Variants in ITPR1 observed in about 807,000 individuals in gnomAD.
The protein encoded by ITPR1 is inositol 1,4,5-trisphosphate-gated calcium channel ITPR1.
ITPR1 carries 96 observed loss-of-function variants against 318.4 expected under a neutral mutation model. The observed-to-expected ratio is 0.30, with a 90% CI of 0.26 to 0.36. The LOEUF (loss-of-function observed/expected upper bound fraction) is 0.36, where lower values mean the gene tolerates loss of function less well. Ranked by LOEUF, ITPR1 falls within the 10% of genes least tolerant of loss-of-function variation. The pLI is 1.00. For missense variants in ITPR1, 2,440 were observed against 3,460.2 expected, an observed-to-expected ratio of 0.71 and a Z score of 7.40; for synonymous variants, 1,312 against 1,289.9, an observed-to-expected ratio of 1.02 and a Z score of -0.37.
intron 57 of ITPR1, among the ~76,000 whole-genome samples, chr3:4,814,015 A>T (rs1042244739): frequency 1.3e-5 from 2 of 152,248 alleles, no homozygotes; most frequent in Non-Finnish European, 1.5e-5. Context: ...CCCTGGATAT[A>T]GTCCTCACAC....
chr3:4,705,202 G>A (rs9880424), intron 36 of ITPR1, among the ~76,000 whole-genome samples: 43,307 of 152,062 alleles, frequency 0.28, 7,033 homozygotes, highest in Non-Finnish European at 0.38. Flanking sequence ...ATGGAAAAGA[G>A]TGATTATTAG....
chr3:4,604,627 G>T (rs927444818), intron 4 of ITPR1, among the ~76,000 whole-genome samples: 1 of 152,078 alleles, frequency 6.6e-6, no homozygotes, highest in Non-Finnish European at 1.5e-5. Flanking sequence ...TCATGGACAC[G>T]CATGGGCCGT....
chr3:4,618,917 C>T (rs1291152452), intron 4 of ITPR1, among the ~76,000 whole-genome samples: 1 of 152,208 alleles, frequency 6.6e-6, no homozygotes, highest in Non-Finnish European at 1.5e-5. Flanking sequence ...TGATAAACAA[C>T]CACACAACTA....
chr3:4,844,271 G>A (rs769396592), intron 61 of ITPR1, among the ~76,000 whole-genome samples: 18 of 151,914 alleles, frequency 1.2e-4, no homozygotes, highest in South Asian at 4.2e-4. Flanking sequence ...ACAGGTGCAC[G>A]CTACCATGCC....
At chr3:4,780,281 A>G (rs557439124) in intron 49 of ITPR1, among the ~76,000 whole-genome samples, 116 of 152,284 alleles carry the variant, frequency 7.6e-4, no homozygotes, top group African/African-American at 2.7e-3. Flanking sequence ...TATTTGAGCC[A>G]TATCTTTGTC....
rs1288286854 is a variant in ITPR1 at position 4,588,557 on chromosome 3, C to T, written c.164-39206C>T. On this transcript the variant is annotated intron_variant, in intron 4 of 61. Coordinates refer to ENST00000649015, the MANE Select transcript of ITPR1 (RefSeq NM_001378452.1). ...TAAATGCTGGGCTGGTCCCGGGCTT[C>T]GGCCTTGGCTCTCATCTCTATCTGT... is the stretch of plus-strand genomic sequence containing the variant. Among the ~76,000 whole-genome samples the T allele has an allele frequency of 3.9e-5, 6 of 152,264 alleles. No individual in the cohort carries two copies. The South Asian group carries it at 1.2e-3, about 32-fold the overall frequency.
chr3:4,787,728 A>G lies in ITPR1; in HGVS notation c.6616-219A>G, dbSNP rs4685820. Among the ~76,000 whole-genome samples the G allele has an allele frequency of 0.52, 79,043 of 151,806 alleles. 21,226 individuals carry two copies. The highest frequency in any genetic ancestry group is 0.89 in the East Asian group (4,628 of 5,184). ...TCAAAAAAATAAAAATTAAAAATAA[A>G]TAAATAAAGTTAATGGATCTGAAGT... is the stretch of plus-strand genomic sequence containing the variant. On this transcript the variant is annotated intron_variant, in intron 51 of 61. Coordinates refer to ENST00000649015, the MANE Select transcript of ITPR1 (RefSeq NM_001378452.1).
intron 4 of ITPR1, among the ~76,000 whole-genome samples, chr3:4,523,327 C>T (rs1048029173): frequency 3.3e-5 from 5 of 151,860 alleles, no homozygotes; most frequent in South Asian, 2.1e-4. Context: ...TTTTTTAAAT[C>T]GACATATATT....
At chr3:4,771,714 G>A (rs1000639004) in intron 46 of ITPR1, among the ~76,000 whole-genome samples, 1 of 151,836 alleles carries the variant, frequency 6.6e-6, no homozygotes, top group Non-Finnish European at 1.5e-5. Flanking sequence ...GGGGTGTTGG[G>A]GTGTATAGTA....
intron 61 of ITPR1, among the ~76,000 whole-genome samples, chr3:4,844,418 C>T (rs2051603696): frequency 6.6e-6 from 1 of 152,168 alleles, no homozygotes; most frequent in Admixed American, 6.5e-5. Flanking sequence ...GCCCGCTGCA[C>T]CTGGCTGAGC....
chr3:4,698,865 A>T (rs779789914), intron 34 of ITPR1, among the ~76,000 whole-genome samples: 16 of 152,274 alleles, frequency 1.1e-4, no homozygotes, highest in East Asian at 9.6e-4. Flanking sequence ...TTGATTTTTT[A>T]AAAAATGTGC....
intron 44 of ITPR1, among the ~76,000 whole-genome samples, chr3:4,761,404 C>G (rs948526124): frequency 6.6e-6 from 1 of 152,154 alleles, no homozygotes; most frequent in African/African-American, 2.4e-5. Context: ...GGAAAATGAC[C>G]CCCAGCTGCA....
intron 53 of ITPR1, 127 bp from the exon 54 acceptor site, chr3:4,800,298 A>T: frequency 1.2e-6 from 1 of 822,158 alleles, no homozygotes; most frequent in Non-Finnish European, 1.9e-6. Context: ...AGAGAATTTG[A>T]GGTGAGAGTT....
Position 4,777,464 on chromosome 3 carries a change from G to C in ITPR1, c.6291+90G>C, listed in dbSNP as rs548153775. On this transcript the variant is annotated intron_variant, in intron 48 of 61. Coordinates refer to ENST00000649015, the MANE Select transcript of ITPR1 (RefSeq NM_001378452.1). Reference sequence around the variant, plus strand: ...CACATGCACATGGGCAATTAGTCATGAGAGTAAATATTAAAGATAGTTCTT... The same window carrying C: ...CACATGCACATGGGCAATTAGTCATCAGAGTAAATATTAAAGATAGTTCTT... The C allele has an allele frequency of 2.0e-4, 147 of 748,492 alleles. 2 individuals carry two copies. The South Asian group carries it at 2.2e-3, about 11-fold the overall frequency. 46.4% of individuals were successfully genotyped at this position (748,492 alleles called of 1,614,324 possible). A position where few individuals can be genotyped will look rare whatever the true frequency, so the allele number is the denominator to read the frequency against.
At chr3:4,602,340 C>A (rs1229208623) in intron 4 of ITPR1, among the ~76,000 whole-genome samples, 1 of 151,846 alleles carries the variant, frequency 6.6e-6, no homozygotes, top group East Asian at 1.9e-4. Flanking sequence ...GGCAACATGG[C>A]AAAACCCTGT....
At chr3:4,695,668 ACTT>A (rs1383168391) in intron 33 of ITPR1, among the ~76,000 whole-genome samples, 1 of 152,010 alleles carries the variant, frequency 6.6e-6, no homozygotes, top group Admixed American at 6.6e-5. Context: ...GAGGTTTTGG[ACTT>A]CTTCTGTGTA....
intron 16 of ITPR1, among the ~76,000 whole-genome samples, chr3:4,664,810 T>C (rs549745536): frequency 1.1e-3 from 166 of 152,248 alleles, no homozygotes; most frequent in Non-Finnish European, 1.9e-3. Context: ...GCGGGTTTAC[T>C]TTGACTGTAA....
intron 52 of ITPR1, among the ~76,000 whole-genome samples, chr3:4,790,657 C>G (rs2047498252): frequency 6.6e-6 from 1 of 152,194 alleles, no homozygotes; most frequent in Non-Finnish European, 1.5e-5. Context: ...ATTTTTCAGG[C>G]TCATTCATTT....
At chr3:4,768,396 A>G in intron 45 of ITPR1, 115 bp from the exon 46 acceptor site, 5 of 1,265,614 alleles carry the variant, frequency 4.0e-6, no homozygotes. Context: ...TGTTTTGCCA[A>G]CTTTGAACGT....
Sources: allele counts gnomAD v4.1 joint callset (sites outside exome capture counted in the v4.1 genomes callset), GRCh38; gene constraint gnomAD v4.1.1; transcripts MANE v1.5; gene names NCBI Gene and HGNC (gene_info 2026-07-23, HGNC 2026-07-21).